The following PRKCH variants were observed in gnomAD, a reference collection of about 807,000 sequenced individuals.
The protein encoded by PRKCH is protein kinase C eta type.
Under a neutral mutation model 82.5 loss-of-function variants are expected in PRKCH, and 28 were observed. The ratio of observed to expected loss-of-function variants is 0.34; its 90% CI spans 0.25 to 0.47. PRKCH has a LOEUF of 0.47. PRKCH is among the 20% of genes least tolerant of loss of function. PRKCH has a pLI of 1.00. For missense variants in PRKCH, 705 were observed against 881.8 expected, an observed-to-expected ratio of 0.80 and a Z score of 2.54; for synonymous variants, 322 against 327.4, an observed-to-expected ratio of 0.98 and a Z score of 0.18.
chr14:61,271,629 T>C (rs1471553455), intron 1 of PRKCH, among the ~76,000 whole-genome samples: 2 of 152,252 alleles, frequency 1.3e-5, no homozygotes, highest in African/African-American at 4.8e-5. Context: ...TTAACCTCTC[T>C]GAACCTGGCT....
chr14:61,268,795 G>C (rs918933963), intron 1 of PRKCH, among the ~76,000 whole-genome samples: 1 of 152,292 alleles, frequency 6.6e-6, no homozygotes, highest in South Asian at 2.1e-4. Context: ...GCAATTCAAA[G>C]CAATTCATAG....
At chr14:61,465,112 AT>A (rs1885197742) in intron 9 of PRKCH, among the ~76,000 whole-genome samples, 1 of 152,158 alleles carries the variant, frequency 6.6e-6, no homozygotes, top group Non-Finnish European at 1.5e-5. Flanking sequence ...TTTCCTCTGT[AT>A]TTGGATATTA....
upstream of PRKCH, among the ~76,000 whole-genome samples, chr14:61,319,208 T>A (rs1483890168): frequency 6.6e-6 from 1 of 152,188 alleles, no homozygotes; most frequent in African/African-American, 2.4e-5. Context: ...CGTAGGGTGC[T>A]TTTGGTTCCC....
intron 1 of PRKCH, among the ~76,000 whole-genome samples, chr14:61,249,707 G>T (rs1056694184): frequency 6.6e-6 from 1 of 151,672 alleles, no homozygotes; most frequent in Admixed American, 6.6e-5. Flanking sequence ...TGCAACCTCC[G>T]CCTCCTGGAT....
At chr14:61,416,241 A>C (rs1882554229) in intron 2 of PRKCH, among the ~76,000 whole-genome samples, 1 of 150,868 alleles carries the variant, frequency 6.6e-6, no homozygotes, top group African/African-American at 2.4e-5. Flanking sequence ...TTTTTTGTAG[A>C]GACAGGATTT....
chr14:61,280,864 GC>G lies in PRKCH; in HGVS notation c.-19+93197del. 1 of 1,568,820 alleles carries G rather than the reference GC, an allele frequency of 6.4e-7. No individual in the cohort carries two copies. Among genetic ancestry groups the G allele is most frequent in the Non-Finnish European group, 8.6e-7 (1 of 1,165,532 alleles). On this transcript the variant is annotated intron_variant, in intron 1 of 3. Coordinates refer to the PRKCH transcript ENST00000555185. This position sits in a 1 kb window ranked among gnomAD's most constrained non-coding sequence, Gnocchi z 5.0. ...GAGCTCGGGCAGCGAGAAGTACCAG[GC>G]GCACGAGCAGGGGGGCGGCAGCGCC... is the stretch of plus-strand genomic sequence containing the variant.
chr14:61,367,410 C>G (rs1165094006), intron 1 of PRKCH, among the ~76,000 whole-genome samples: 4 of 151,256 alleles, frequency 2.6e-5, no homozygotes, highest in Admixed American at 1.3e-4. Flanking sequence ...GATGTAATTG[C>G]CACCGAGGTC....
At chr14:61,545,412 C>A (rs373283332) in intron 12 of PRKCH, 26 of 152,336 alleles carry the variant, frequency 1.7e-4, no homozygotes, top group African/African-American at 5.5e-4. Flanking sequence ...ATTCTTCCCC[C>A]TTCTCTTGAT....
intron 2 of PRKCH, among the ~76,000 whole-genome samples, chr14:61,393,259 A>G (rs371106291): frequency 2.0e-5 from 3 of 152,156 alleles, no homozygotes; most frequent in African/African-American, 7.2e-5. Flanking sequence ...AGTATTTTGC[A>G]ATTTGATATC....
At position 61,258,661 on chromosome 14, in the gene PRKCH, A is replaced by G. The variant is rs542503810; in HGVS notation, c.-19+70993A>G. On this transcript the variant is annotated intron_variant, in intron 1 of 3. Coordinates refer to the PRKCH transcript ENST00000555185. ...TTTATAATTATACTTCAATCCTCCA[A>G]TTAAAATGCCCAGACAATATAGATA... 3.3e-5 allele frequency among the ~76,000 whole-genome samples: 5 copies of G among 152,316 alleles called. No homozygotes were observed. The East Asian group carries it at 9.6e-4, about 29-fold the overall frequency.
chr14:61,226,834 C>T (rs185773935), intron 1 of PRKCH, among the ~76,000 whole-genome samples: 31 of 152,244 alleles, frequency 2.0e-4, no homozygotes, highest in South Asian at 4.2e-4. Flanking sequence ...TAGGCTCCCC[C>T]ACCCAAAAAT....
chr14:61,390,469 G>A (rs964401255), intron 1 of PRKCH, among the ~76,000 whole-genome samples: 5 of 152,078 alleles, frequency 3.3e-5, no homozygotes, highest in Admixed American at 6.5e-5. Flanking sequence ...TCAGGAGTTC[G>A]AGACCAGCCT....
intron 2 of PRKCH, among the ~76,000 whole-genome samples, chr14:61,399,405 G>T (rs972261416): frequency 3.9e-5 from 6 of 152,176 alleles, no homozygotes; most frequent in African/African-American, 1.4e-4. Context: ...GTTTTTTAAT[G>T]TATATGTTTT....
intron 2 of PRKCH, among the ~76,000 whole-genome samples, chr14:61,393,369 T>G (rs1215316413): frequency 1.3e-5 from 2 of 152,232 alleles, no homozygotes; most frequent in African/African-American, 2.4e-5. Context: ...AATTAACATC[T>G]TAACAATCTT....
At chr14:61,197,961 C>A (rs2044452522) in intron 1 of PRKCH, among the ~76,000 whole-genome samples, 1 of 152,112 alleles carries the variant, frequency 6.6e-6, no homozygotes, top group Non-Finnish European at 1.5e-5. Context: ...CCTTGACATT[C>A]TTCTGATCAA....
intron 12 of PRKCH, among the ~76,000 whole-genome samples, chr14:61,546,273 G>A (rs1442663908): frequency 6.6e-6 from 1 of 152,234 alleles, no homozygotes. Flanking sequence ...GGTGACCACT[G>A]TAAGTGCCTG....
intron 1 of PRKCH, among the ~76,000 whole-genome samples, chr14:61,262,331 T>A (rs1309913917): frequency 6.6e-6 from 1 of 151,832 alleles, no homozygotes; most frequent in Non-Finnish European, 1.5e-5. Context: ...TGCATATTCA[T>A]ACAACAAAAC....
In PRKCH at chr14:61,530,454, G is replaced by A. The variant is rs1163116391; in HGVS notation, c.1620G>A (p.Met540Ile). The A allele has an allele frequency of 6.2e-7, 1 of 1,609,864 alleles. No individual in the cohort carries two copies. Among genetic ancestry groups the A allele is most frequent in the Non-Finnish European group, 8.5e-7 (1 of 1,178,050 alleles). Residue 540 changes from methionine to isoleucine, a missense_variant, in exon 12 of 14, where the codon ATG becomes ATA. Transcript: ENST00000332981. ...GGCCTGCAGTAGACTGGTGGGCAATGGGCGTGTTGCTCTATGAGATGCTCT... is the reference window on the plus strand; with the variant it reads ...GGCCTGCAGTAGACTGGTGGGCAATAGGCGTGTTGCTCTATGAGATGCTCT... ...LYGPAVDWWA[M>I]GVLLYEMLCG...
chr14:61,465,483 CCTTT>C (rs1885215408), intron 9 of PRKCH, among the ~76,000 whole-genome samples: 1 of 152,082 alleles, frequency 6.6e-6, no homozygotes, highest in Non-Finnish European at 1.5e-5. Context: ...AAGGGACAGT[CCTTT>C]CTTTGTTGTG....
Sources: allele counts gnomAD v4.1 joint callset (sites outside exome capture counted in the v4.1 genomes callset), GRCh38; gene constraint gnomAD v4.1.1; non-coding constraint Gnocchi (gnomAD v3.1); transcripts MANE v1.5; gene names NCBI Gene and HGNC (gene_info 2026-07-23, HGNC 2026-07-21).